Variants in INTU observed in about 807,000 individuals in gnomAD.
INTU encodes the protein protein inturned.
Under a neutral mutation model 100.5 loss-of-function variants are expected in INTU, and 68 were observed. The observed-to-expected ratio is 0.68, with a 90% confidence interval of 0.56 to 0.83. The LOEUF (loss-of-function observed/expected upper bound fraction) is 0.83, where lower values mean the gene tolerates loss of function less well. Among genes scored for constraint, INTU ranks in the 40% least tolerant of loss-of-function variants. The pLI, the probability that INTU is intolerant of heterozygous loss-of-function variation, is 0.00. For synonymous variants in INTU, 357 were observed against 395.7 expected (o/e 0.90, Z 1.16); for missense variants, 1,071 against 1,114.7 (o/e 0.96, Z 0.56).
At chr4:127,650,813 T>G (rs951885858) in intron 2 of INTU, among the ~76,000 whole-genome samples, 38 of 152,044 alleles carry the variant, frequency 2.5e-4, no homozygotes, top group African/African-American at 8.9e-4. Flanking sequence ...TCCACAATGG[T>G]TGAACTAGTT....
intron 5 of INTU, among the ~76,000 whole-genome samples, chr4:127,671,626 G>A (rs13144473): frequency 0.013 from 1,934 of 151,978 alleles, 20 homozygotes; most frequent in Non-Finnish European, 0.018. Context: ...ATAACCAAAG[G>A]AAAAGAAATC....
chr4:127,680,698 G>C lies in INTU; in HGVS notation c.1182-3711G>C, dbSNP rs1273079460. The stretch of plus-strand genomic sequence containing the variant: ...TCCCTTTGAAAACTGGCACAAGACA[G>C]GGATGCCGTCTCTCACCGCTCCTAT... On this transcript the variant is annotated intron_variant, in intron 6 of 15. Transcript: ENST00000335251. 7.1e-3 allele frequency among the ~76,000 whole-genome samples: 1,025 copies of C among 145,372 alleles called. 10 individuals carry two copies. The highest frequency in any genetic ancestry group is 0.015 in the South Asian group (64 of 4,268).
chr4:127,640,652 AG>A (rs1245524268), intron 1 of INTU, among the ~76,000 whole-genome samples: 1 of 146,114 alleles, frequency 6.8e-6, no homozygotes, highest in Non-Finnish European at 1.5e-5. Context: ...TGGAAAAACA[AG>A]AACTGAACAC....
At chr4:127,655,784 A>C (rs1728173997) in intron 2 of INTU, among the ~76,000 whole-genome samples, 1 of 152,184 alleles carries the variant, frequency 6.6e-6, no homozygotes, top group South Asian at 2.1e-4. Flanking sequence ...ATGTTTACCT[A>C]AGCAAGCCTG....
At chr4:127,661,766 T>G (rs1728487141) in intron 3 of INTU, among the ~76,000 whole-genome samples, 1 of 152,168 alleles carries the variant, frequency 6.6e-6, no homozygotes, top group South Asian at 2.1e-4. Flanking sequence ...TACTCCTAAA[T>G]CCTCATTCTC....
At chr4:127,659,324 A>T (rs1242552128) in intron 3 of INTU, among the ~76,000 whole-genome samples, 1 of 152,170 alleles carries the variant, frequency 6.6e-6, no homozygotes, top group African/African-American at 2.4e-5. Context: ...TAAAAAATAC[A>T]TATAGAGAAG....
At chr4:127,708,797 T>C in intron 13 of INTU, 129 bp downstream of exon 13, 1 of 539,810 alleles carries the variant, frequency 1.9e-6, no homozygotes, top group Non-Finnish European at 3.3e-6. Context: ...AGGTAATATC[T>C]GTGGTATTTC....
At chr4:127,644,132 TA>T (rs1727464579) in intron 2 of INTU, 76 bp downstream of exon 2, 4 of 1,415,540 alleles carry the variant, frequency 2.8e-6, no homozygotes, top group South Asian at 1.3e-5. Context: ...GGAAATGTGA[TA>T]AAAACAATTA....
At chr4:127,651,204 C>T (rs993117960) in intron 2 of INTU, among the ~76,000 whole-genome samples, 44 of 152,090 alleles carry the variant, frequency 2.9e-4, no homozygotes, top group African/African-American at 8.9e-4. Flanking sequence ...TTTTGCTGTG[C>T]AGAAGCTCTT....
In INTU at chr4:127,633,181, G is replaced by A; in HGVS notation, c.146+1G>A. The A allele has an allele frequency of 1.2e-6, 2 of 1,612,618 alleles. No homozygotes were observed. Among genetic ancestry groups the A allele is most frequent in the African/African-American group, 1.3e-5 (1 of 75,022 alleles). ...ATTCCTCAGCGAGTAGCGATTATGAGTAAGGTTTTCAAAGAGGGACAATTA... is the reference window on the plus strand; with the variant it reads ...ATTCCTCAGCGAGTAGCGATTATGAATAAGGTTTTCAAAGAGGGACAATTA... On this transcript the variant is annotated splice_donor_variant, in intron 1 of 15. Coordinates refer to ENST00000335251, the MANE Select transcript of INTU (RefSeq NM_015693.4). LOFTEE classifies it high-confidence loss of function.
rs78355201 is a variant in INTU at position 127,674,995 on chromosome 4, A to G, written c.1181+782A>G. 6.6e-3 allele frequency among the ~76,000 whole-genome samples: 1,001 copies of G among 152,316 alleles called. 11 individuals carry two copies. Among genetic ancestry groups the G allele is most frequent in the African/African-American group, 0.022 (931 of 41,576 alleles). On this transcript the variant is annotated intron_variant, in intron 6 of 15. Coordinates refer to ENST00000335251, the MANE Select transcript of INTU (RefSeq NM_015693.4). Reference sequence around the variant, plus strand: ...ATTCTTTCTACAACATTGATTCCCTAACATCATAGGACATTGAAAACTAAG... The same window carrying G: ...ATTCTTTCTACAACATTGATTCCCTGACATCATAGGACATTGAAAACTAAG...
intron 15 of INTU, among the ~76,000 whole-genome samples, chr4:127,714,893 G>A (rs570652445): frequency 3.3e-5 from 5 of 152,172 alleles, no homozygotes; most frequent in Admixed American, 2.6e-4. Context: ...TGTGAAACTG[G>A]TGGTGGGTTG....
At chr4:127,693,738 G>A (rs941915095) in intron 8 of INTU, among the ~76,000 whole-genome samples, 1 of 151,940 alleles carries the variant, frequency 6.6e-6, no homozygotes, top group Admixed American at 6.6e-5. Context: ...TAACCTTAAG[G>A]TATGTCCCTT....
Position 127,705,754 on chromosome 4 carries a change from C to G in INTU, c.1730C>G (p.Ser577Ter), listed in dbSNP as rs1227783596. 1 of 1,614,080 alleles carries G rather than the reference C, an allele frequency of 6.2e-7. No homozygotes were observed. The highest frequency in any genetic ancestry group is 1.1e-5 in the South Asian group (1 of 91,084). ...CATCACCTCCGACCTTTGGCAGACT[C>G]AAGCACTGAAGTCTTTCCGGAACCT... The part of the protein sequence containing the change: ...PQHHLRPLAD[S>*]STEVFPEPEG... Residue 577 changes from serine to a stop codon, truncating the protein, a stop_gained, in exon 11 of 16, where the codon TCA (serine) becomes TGA (stop). Coordinates refer to ENST00000335251, the MANE Select transcript of INTU (RefSeq NM_015693.4). LOFTEE classifies it high-confidence loss of function.
chr4:127,655,366 G>C (rs919574703), intron 2 of INTU, among the ~76,000 whole-genome samples: 39 of 151,384 alleles, frequency 2.6e-4, no homozygotes, highest in Non-Finnish European at 4.7e-4. Context: ...ATCTACTTTT[G>C]GTCTTTGATG....
chr4:127,647,051 A>C (rs542981223), intron 2 of INTU, among the ~76,000 whole-genome samples: 1 of 152,210 alleles, frequency 6.6e-6, no homozygotes, highest in South Asian at 2.1e-4. Context: ...CCCACCTCTA[A>C]CAAGCAAGCC....
At chr4:127,699,574 G>A (rs778519329) in intron 8 of INTU, among the ~76,000 whole-genome samples, 3 of 152,164 alleles carry the variant, frequency 2.0e-5, no homozygotes, top group Non-Finnish European at 2.9e-5. Context: ...AAGAAATGGA[G>A]AATCGAGAAC....
chr4:127,688,515 A>G (rs1257849773), intron 8 of INTU, among the ~76,000 whole-genome samples: 1 of 152,186 alleles, frequency 6.6e-6, no homozygotes, highest in Non-Finnish European at 1.5e-5. Context: ...TAAATGAGGC[A>G]TTATGCCATA....
rs550006683 is a variant in INTU, at chr4:127,725,665, T to C, written c.*9229T>C. 2.0e-5 allele frequency: 3 copies of C among 152,246 alleles called. No individual in the cohort carries two copies. The South Asian group carries it at 6.2e-4, about 32-fold the overall frequency. 9.4% of individuals were successfully genotyped at this position (152,246 alleles called of 1,614,324 possible). A position where few individuals can be genotyped will look rare whatever the true frequency, so the allele number is the denominator to read the frequency against. On this transcript the variant is annotated 3_prime_UTR_variant, in exon 16 of 16. Transcript: ENST00000335251. ...GAAACATGAGACCATCGCTCAATAA[T>C]GGAAATAAAAAGGCAGAGCAGACTA...
Sources: gnomAD v4.1 joint callset for allele counts (sites outside exome capture counted in the v4.1 genomes callset) on GRCh38, gnomAD v4.1.1 for gene constraint, MANE v1.5 for transcripts, NCBI Gene and HGNC (gene_info 2026-07-23, HGNC 2026-07-21) for gene names.